The following NAALADL2 variants were observed in gnomAD, a reference collection of about 807,000 sequenced individuals.
NAALADL2 encodes N-acetylated alpha-linked acidic dipeptidase like 2.
A neutral mutation model predicts 87.2 loss-of-function variants in NAALADL2; 76 were observed. The observed-to-expected ratio is 0.87, with a 90% CI of 0.72 to 1.05. NAALADL2 has a LOEUF of 1.05. Ranked by LOEUF, NAALADL2 falls within the 50% of genes least tolerant of loss-of-function variation. The pLI is 0.00. For synonymous variants in NAALADL2, 354 were observed against 331.0 expected (o/e 1.07, Z -0.75); for missense variants, 1,089 against 945.8 (o/e 1.15, Z -1.99).
At chr3:175,554,650 C>T (rs1465603721) in intron 9 of NAALADL2, among the ~76,000 whole-genome samples, 1 of 151,968 alleles carries the variant, frequency 6.6e-6, no homozygotes, top group Non-Finnish European at 1.5e-5. Flanking sequence ...GTACTTAATA[C>T]ACCCTGATAA....
chr3:175,729,803 C>G (rs1470486241), intron 11 of NAALADL2, among the ~76,000 whole-genome samples: 1 of 139,154 alleles, frequency 7.2e-6, no homozygotes, highest in Non-Finnish European at 1.6e-5. Context: ...ACAGTGACAT[C>G]CCAGTTTTTT....
intron 1 of NAALADL2, among the ~76,000 whole-genome samples, chr3:174,445,603 TC>T (rs1402809045): frequency 6.6e-6 from 1 of 152,088 alleles, no homozygotes; most frequent in African/African-American, 2.4e-5. Flanking sequence ...AAAATTAAGC[TC>T]CCCTTCTACC....
chr3:175,101,420 G>T (rs1310982714), intron 2 of NAALADL2, among the ~76,000 whole-genome samples: 2 of 152,138 alleles, frequency 1.3e-5, no homozygotes, highest in African/African-American at 2.4e-5. Flanking sequence ...TGTTTACCTA[G>T]GACGGTTGAG....
At chr3:174,845,585 G>A (rs1724530452) in intron 3 of NAALADL2, among the ~76,000 whole-genome samples, 1 of 152,222 alleles carries the variant, frequency 6.6e-6, no homozygotes, top group African/African-American at 2.4e-5. Context: ...CCACCTCCAT[G>A]CAGGTTTTCA....
At chr3:175,037,068 C>A (rs1258148737) in intron 1 of NAALADL2, among the ~76,000 whole-genome samples, 1 of 151,992 alleles carries the variant, frequency 6.6e-6, no homozygotes, top group South Asian at 2.1e-4. Flanking sequence ...CCTTTAACTA[C>A]GTTTCTCACC....
At chr3:175,213,321 T>C (rs997774428) in intron 2 of NAALADL2, among the ~76,000 whole-genome samples, 1 of 152,062 alleles carries the variant, frequency 6.6e-6, no homozygotes, top group African/African-American at 2.4e-5. Context: ...TTTGTCCTAC[T>C]AGATATTAAG....
intron 1 of NAALADL2, among the ~76,000 whole-genome samples, chr3:174,997,945 T>G (rs1747738562): frequency 6.6e-6 from 1 of 151,952 alleles, no homozygotes; most frequent in South Asian, 2.1e-4. Context: ...ACAGGAACAG[T>G]GTATTTAACC....
intron 2 of NAALADL2, among the ~76,000 whole-genome samples, chr3:174,652,924 GA>G: frequency 6.6e-6 from 1 of 152,170 alleles, no homozygotes; most frequent in East Asian, 1.9e-4. Context: ...GTGGTTTATG[GA>G]ATATCCAAAG....
intron 6 of NAALADL2, among the ~76,000 whole-genome samples, chr3:175,454,570 G>C (rs1027771522): frequency 6.6e-6 from 1 of 151,914 alleles, no homozygotes; most frequent in Non-Finnish European, 1.5e-5. Context: ...AGTATTAAAG[G>C]GTTCTCTTTG....
At chr3:175,327,016 AAAG>A (rs1760792964) in intron 5 of NAALADL2, among the ~76,000 whole-genome samples, 1 of 152,206 alleles carries the variant, frequency 6.6e-6, no homozygotes, top group Non-Finnish European at 1.5e-5. Context: ...GATAAGCTGT[AAAG>A]AAGTAATTTA....
At chr3:175,115,817 A>G (rs1580530181) in intron 2 of NAALADL2, among the ~76,000 whole-genome samples, 1 of 151,886 alleles carries the variant, frequency 6.6e-6, no homozygotes, top group East Asian at 1.9e-4. Flanking sequence ...CCTGATGAAC[A>G]TCGATGCAAA....
intron 11 of NAALADL2, among the ~76,000 whole-genome samples, chr3:175,652,843 A>T (rs1730967644): frequency 6.6e-6 from 1 of 152,128 alleles, no homozygotes; most frequent in Admixed American, 6.5e-5. Context: ...TCCTTGAACT[A>T]TACGGGGGTT....
intron 3 of NAALADL2, among the ~76,000 whole-genome samples, chr3:175,240,570 A>T (rs796468619): frequency 6.6e-6 from 1 of 152,242 alleles, no homozygotes. Context: ...ATGGAACTGT[A>T]GTACTTAAAC....
intron 2 of NAALADL2, among the ~76,000 whole-genome samples, chr3:174,602,870 T>A (rs1300973166): frequency 6.6e-6 from 1 of 152,104 alleles, no homozygotes; most frequent in African/African-American, 2.4e-5. Flanking sequence ...TTTTTCTGTA[T>A]CAATTGAAAT....
At chr3:175,645,703 T>C (rs73881334) in intron 11 of NAALADL2, among the ~76,000 whole-genome samples, 1,547 of 152,044 alleles carry the variant, frequency 0.01, 26 homozygotes, top group African/African-American at 0.035. Context: ...AAGGTAATGG[T>C]GGTATAAGTC....
At chr3:175,505,556 A>G (rs1386430463) in intron 9 of NAALADL2, among the ~76,000 whole-genome samples, 1 of 151,942 alleles carries the variant, frequency 6.6e-6, no homozygotes, top group African/African-American at 2.4e-5. Context: ...TTTTTTGTTG[A>G]CTTTTGGTTT....
At chr3:175,440,632 T>C (rs1240420114) in intron 5 of NAALADL2, among the ~76,000 whole-genome samples, 1 of 152,184 alleles carries the variant, frequency 6.6e-6, no homozygotes, top group African/African-American at 2.4e-5. Context: ...AAGTATTTAA[T>C]TTGTTTCGCA....
At chr3:175,420,418 G>T (rs1295925904) in intron 5 of NAALADL2, among the ~76,000 whole-genome samples, 2 of 151,888 alleles carry the variant, frequency 1.3e-5, no homozygotes, top group African/African-American at 4.8e-5. Flanking sequence ...CTATAAAATG[G>T]TTCAGTATTT....
intron 11 of NAALADL2, among the ~76,000 whole-genome samples, chr3:175,649,672 C>T (rs1329352903): frequency 1.3e-5 from 2 of 152,058 alleles, no homozygotes; most frequent in Non-Finnish European, 2.9e-5. Context: ...TCTCTGGTAT[C>T]TCTTCTTATG....
Sources: gnomAD v4.1 joint callset for allele counts (sites outside exome capture counted in the v4.1 genomes callset) on GRCh38, gnomAD v4.1.1 for gene constraint, MANE v1.5 for transcripts, NCBI Gene and HGNC (gene_info 2026-07-23, HGNC 2026-07-21) for gene names.